The following TJP2 variants were observed in gnomAD, a reference collection of about 807,000 sequenced individuals.
The protein encoded by TJP2 is tight junction protein 2, also known as Friedreich ataxia region gene X104 (tight junction protein ZO-2).
TJP2 carries 91 observed loss-of-function variants against 133.1 expected under a neutral mutation model. The observed-to-expected ratio is 0.68, with a 90% CI of 0.58 to 0.81. The LOEUF is 0.81. Among genes scored for constraint, TJP2 ranks in the 40% least tolerant of loss-of-function variants. The probability of loss-of-function intolerance (pLI) is 0.00; values close to 1 mark genes in which losing one functional copy is unlikely to be tolerated. For missense variants in TJP2, 1,541 were observed against 1,565.6 expected (o/e 0.98, Z 0.26); for synonymous variants, 592 against 583.4 (o/e 1.01, Z -0.21).
chr9:69,130,288 G>T (rs145639698), intron 1 of TJP2, among the ~76,000 whole-genome samples: 10 of 152,248 alleles, frequency 6.6e-5, no homozygotes, highest in South Asian at 4.2e-4. Flanking sequence ...GGAAATGTTG[G>T]TAATAGCAGA....
chr9:69,184,362 G>C (rs1262648133), intron 1 of TJP2, among the ~76,000 whole-genome samples: 2 of 152,210 alleles, frequency 1.3e-5, no homozygotes, highest in Non-Finnish European at 2.9e-5. Flanking sequence ...AGAAGGTCTT[G>C]CTTGACCTTC....
chr9:69,174,563 TC>T, intron 1 of TJP2, 131 bp downstream of exon 1: 1 of 1,145,348 alleles, frequency 8.7e-7, no homozygotes, highest in South Asian at 1.4e-5. Context: ...GATTCTCCCA[TC>T]CGGACGTGGG....
chr9:69,251,058 A>G lies in TJP2; in HGVS notation c.3015A>G (p.Glu1005=). ...AGGCCAAAACCCAGAACAAAGAAGA[A>G]TCCTATGACTTCTCCAAATCCTATG... is the stretch of plus-strand genomic sequence containing the variant. The part of the protein sequence containing the change: ...PPKAKTQNKE[E]SYDFSKSYEY... The change falls in exon 21 of 23, where the codon GAA becomes GAG. Residue 1005 remains glutamate (E), a synonymous_variant. Coordinates refer to ENST00000377245, the MANE Select transcript of TJP2 (RefSeq NM_004817.4). 1.9e-6 allele frequency: 3 copies of G among 1,614,144 alleles called. No individual in the cohort carries two copies. Among genetic ancestry groups the G allele is most frequent in the Non-Finnish European group, 2.5e-6 (3 of 1,180,030 alleles).
Position 69,126,716 on chromosome 9 carries a change from T to C in TJP2, c.-131+4991T>C, listed in dbSNP as rs1395671656. Reference sequence around the variant, plus strand: ...ACCTCCATTTGGGAGAAATTTATAATGCAAAGGAAACAGAAAAAGCCATAA... The same window carrying C: ...ACCTCCATTTGGGAGAAATTTATAACGCAAAGGAAACAGAAAAAGCCATAA... On this transcript the variant is annotated intron_variant, in intron 1 of 5. Transcript: ENST00000423935. Among the ~76,000 whole-genome samples, 11 of 77,854 alleles carry C rather than the reference T, an allele frequency of 1.4e-4. 5 individuals are homozygous for C. Among genetic ancestry groups the C allele is most frequent in the Non-Finnish European group, 3.3e-4 (11 of 33,620 alleles). The allele number at this position is 77,854 out of a possible 152,430, so 51.1% of individuals were successfully genotyped here.
intron 2 of TJP2, among the ~76,000 whole-genome samples, chr9:69,155,227 CAAAAAAAAAAA>C (rs58935075): frequency 1.4e-4 from 14 of 98,784 alleles, no homozygotes; most frequent in Non-Finnish European, 2.1e-4. Context: ...ACTCCATTTC[CAAAAAAAAAAA>C]AAAAAAAAAA....
intron 1 of TJP2, among the ~76,000 whole-genome samples, chr9:69,149,468 C>G (rs1443284679): frequency 6.6e-6 from 1 of 152,198 alleles, no homozygotes; most frequent in East Asian, 1.9e-4. Flanking sequence ...GCCTACATTT[C>G]CTGCTGATCC....
chr9:69,254,294 G>A lies in TJP2; in HGVS notation c.3493G>A (p.Glu1165Lys). The change falls in exon 23 of 23, where the codon GAG (glutamate) becomes AAG (lysine). Residue 1165 changes from glutamate to lysine, a missense_variant. By Grantham distance (56) the Glu-to-Lys change is moderately conservative (BLOSUM62 1). Coordinates refer to ENST00000377245, the MANE Select transcript of TJP2 (RefSeq NM_004817.4). ...GSYGSDAEEEEYRQQLSEHSK... is the reference protein window; with the variant it reads ...GSYGSDAEEEKYRQQLSEHSK... The stretch of plus-strand genomic sequence containing the variant: ...TTATGGCAGTGATGCCGAGGAGGAG[G>A]AGTACCGCCAGCAGCTGTCAGAACA... The A allele has an allele frequency of 6.2e-7, 1 of 1,614,234 alleles. No homozygotes were observed.
At chr9:69,135,487 C>A (rs1822690904) in intron 1 of TJP2, among the ~76,000 whole-genome samples, 1 of 152,166 alleles carries the variant, frequency 6.6e-6, no homozygotes, top group African/African-American at 2.4e-5. Context: ...GTCACCCAGG[C>A]TGGAGTACAG....
rs191370051 is a variant in TJP2 at position 69,168,539 on chromosome 9, A to G, written c.-10+16768A>G. Among the ~76,000 whole-genome samples the G allele has an allele frequency of 4.3e-4, 65 of 152,310 alleles. 1 individual carries two copies. Among genetic ancestry groups the G allele is most frequent in the African/African-American group, 1.5e-3 (63 of 41,566 alleles). On this transcript the variant is annotated intron_variant, in intron 2 of 5. Coordinates refer to the TJP2 transcript ENST00000423935. ...GCAGGACGCGGTGGCTCATGCCTGT[A>G]ATCCCAGCGCTTTGGGAGGCTGAGG...
chr9:69,172,375 T>C (rs548159661), upstream of TJP2, among the ~76,000 whole-genome samples: 55 of 152,362 alleles, frequency 3.6e-4, no homozygotes, highest in African/African-American at 1.1e-3. Context: ...TTGATGGAAA[T>C]ATTCTATATT....
Position 69,234,473 on chromosome 9 carries a change from A to C in TJP2, c.1706A>C (p.Glu569Ala). 6.4e-7 allele frequency: 1 copy of C among 1,569,726 alleles called. No individual in the cohort carries two copies. Among genetic ancestry groups the C allele is most frequent in the South Asian group, 1.1e-5 (1 of 89,536 alleles). The part of the protein sequence containing the change: ...NTQDFRGLVR[E>A]DAVLYLLEIP... ...CAGGATTTCAGAGGATTAGTGCGGGAGGATGCCGTTCTCTACCTGTTAGAA... is the reference window on the plus strand; with the variant it reads ...CAGGATTTCAGAGGATTAGTGCGGGCGGATGCCGTTCTCTACCTGTTAGAA... Residue 569 changes from glutamate to alanine, a missense_variant, in exon 12 of 23, where the codon GAG becomes GCG. Transcript: ENST00000377245.
Position 69,221,447 on chromosome 9 carries a change from G to A in TJP2, c.903G>A (p.Gly301=), listed in dbSNP as rs1433007383. ...HSRSPSPEPR[G]RPGPIGVLLM... Reference sequence around the variant, plus strand: ...GGAGCCCCAGCCCCGAGCCTAGGGGGCGGCCGGGGCCCATCGGGGTCCTCC... The same window carrying A: ...GGAGCCCCAGCCCCGAGCCTAGGGGACGGCCGGGGCCCATCGGGGTCCTCC... Residue 301 remains glycine (G), a synonymous_variant, in exon 5 of 23, where the codon GGG becomes GGA. Coordinates refer to ENST00000377245, the MANE Select transcript of TJP2 (RefSeq NM_004817.4). 2 of 1,595,382 alleles carry A rather than the reference G, an allele frequency of 1.3e-6. No homozygotes were observed. Among genetic ancestry groups the A allele is most frequent in the East Asian group, 4.5e-5 (2 of 44,142 alleles).
chr9:69,246,646 G>T (rs771444102), intron 17 of TJP2, 44 bp from the exon 18 acceptor site: 1 of 1,507,900 alleles, frequency 6.6e-7, no homozygotes, highest in Non-Finnish European at 9.2e-7. Context: ...TAATAAACAT[G>T]CCTCTGGAAA....
At chr9:69,232,479 C>G (rs2133359786) in intron 11 of TJP2, among the ~76,000 whole-genome samples, 1 of 152,272 alleles carries the variant, frequency 6.6e-6, no homozygotes, top group East Asian at 1.9e-4. Flanking sequence ...AAAGTGCTGC[C>G]CTAGCCTTTT....
intron 1 of TJP2, among the ~76,000 whole-genome samples, chr9:69,151,248 G>A (rs577456530): frequency 6.6e-6 from 1 of 152,162 alleles, no homozygotes; most frequent in Non-Finnish European, 1.5e-5. Context: ...TTGGGAAGTC[G>A]AGGTGGGTGG....
At chr9:69,242,469 G>A (rs541602744) in intron 17 of TJP2, among the ~76,000 whole-genome samples, 2 of 152,324 alleles carry the variant, frequency 1.3e-5, no homozygotes, top group South Asian at 4.1e-4. Context: ...GAAGTTGAAA[G>A]TTTTAGAATA....
At chr9:69,122,943 G>T (rs945609031) in intron 1 of TJP2, among the ~76,000 whole-genome samples, 4 of 152,132 alleles carry the variant, frequency 2.6e-5, no homozygotes, top group Non-Finnish European at 5.9e-5. Flanking sequence ...TGCTGATAGG[G>T]TGACATTCTG....
At chr9:69,192,732 C>T (rs1826286582) in intron 1 of TJP2, among the ~76,000 whole-genome samples, 1 of 152,120 alleles carries the variant, frequency 6.6e-6, no homozygotes, top group African/African-American at 2.4e-5. Context: ...TCCTCAGTAG[C>T]GTGCTGCAGC....
chr9:69,201,345 T>A (rs968831386), intron 1 of TJP2, among the ~76,000 whole-genome samples: 1 of 152,182 alleles, frequency 6.6e-6, no homozygotes, highest in African/African-American at 2.4e-5. Context: ...TACGTTCTGA[T>A]GGCCATCCTC....
Sources: gnomAD v4.1 joint callset for allele counts (sites outside exome capture counted in the v4.1 genomes callset) on GRCh38, gnomAD v4.1.1 for gene constraint, MANE v1.5 for transcripts, NCBI Gene and HGNC (gene_info 2026-07-23, HGNC 2026-07-21) for gene names.